LAMA3: variants seen among roughly 807,000 people sequenced by gnomAD.
The protein encoded by LAMA3 is laminin subunit alpha 3.
A neutral mutation model predicts 402.0 loss-of-function variants in LAMA3; 281 were observed. The ratio of observed to expected loss-of-function variants is 0.70; its 90% CI spans 0.63 to 0.77. The LOEUF (loss-of-function observed/expected upper bound fraction) is 0.77, where lower values mean the gene tolerates loss of function less well. LAMA3 is among the 30% of genes least tolerant of loss of function. The pLI, the probability that LAMA3 is intolerant of heterozygous loss-of-function variation, is 0.00. For missense variants in LAMA3, 3,840 were observed against 4,215.5 expected, an observed-to-expected ratio of 0.91 and a Z score of 2.47; for synonymous variants, 1,431 against 1,558.4, an observed-to-expected ratio of 0.92 and a Z score of 1.93.
intron 1 of LAMA3, among the ~76,000 whole-genome samples, chr18:23,695,082 T>C (rs2060659565): frequency 6.6e-6 from 1 of 152,226 alleles, no homozygotes; most frequent in Non-Finnish European, 1.5e-5. Context: ...CCCTGCTGTG[T>C]CTGATGCAGT....
chr18:23,764,783 C>T (rs1438834376), intron 8 of LAMA3, among the ~76,000 whole-genome samples: 1 of 152,072 alleles, frequency 6.6e-6, no homozygotes, highest in Non-Finnish European at 1.5e-5. Context: ...TTTAAGTGTA[C>T]ATTTTAGCAG....
In LAMA3 at chr18:23,763,492, A is replaced by C. The variant is rs879152030; in HGVS notation, c.1151A>C (p.Tyr384Ser). 9 of 1,612,092 alleles carry C rather than the reference A, an allele frequency of 5.6e-6. No homozygotes were observed. In the South Asian group the frequency reaches 9.9e-5, roughly 18 times the overall value. The change falls in exon 8 of 75, where the codon TAT (tyrosine) becomes TCT (serine). Residue 384 changes from tyrosine (Y) to serine (S), a missense_variant. Around this residue, in one of 3 missense-constraint regions of LAMA3, gnomAD observed 2,109 missense variants for 2,376.0 expected, o/e 0.89. Transcript: ENST00000313654. The stretch of plus-strand genomic sequence containing the variant: ...GCAAGCTTGAATACCCAGGGCATCT[A>C]TGCTGGTGGAGGGGTCTGCATTAAC... ...QQASLNTQGIYAGGGVCINCQ... is the reference protein window; with the variant it reads ...QQASLNTQGISAGGGVCINCQ...
chr18:23,857,026 C>G (rs1268615896), intron 32 of LAMA3, among the ~76,000 whole-genome samples: 1 of 152,204 alleles, frequency 6.6e-6, no homozygotes, highest in African/African-American at 2.4e-5. Context: ...TTGTTTGTAA[C>G]TTGCCAAGTG....
chr18:23,781,693 A>G (rs2062441191), intron 11 of LAMA3, among the ~76,000 whole-genome samples: 2 of 152,192 alleles, frequency 1.3e-5, no homozygotes, highest in South Asian at 4.1e-4. Flanking sequence ...TGCAGATCCA[A>G]TCCAGTCGAC....
rs2082417273 is a variant in LAMA3, at chr18:23,939,372, G to A, written c.9012G>A (p.Glu3004=). 1.9e-6 allele frequency: 3 copies of A among 1,614,200 alleles called. No homozygotes were observed. Among genetic ancestry groups the A allele is most frequent in the African/African-American group, 1.3e-5 (1 of 75,068 alleles). ...ACTTGCTATTCAAGCTTCCTCAGGA[G>A]CTGCTGAAACCCAGGTATTATTTAG... ...TSHLLFKLPQ[E]LLKPRSQFAV... The change falls in exon 68 of 75, where the codon GAG becomes GAA. Residue 3004 remains glutamate (E), a synonymous_variant. Transcript: ENST00000313654.
intron 2 of LAMA3, among the ~76,000 whole-genome samples, chr18:23,723,171 G>A (rs2061243319): frequency 6.6e-6 from 1 of 152,154 alleles, no homozygotes; most frequent in Non-Finnish European, 1.5e-5. Flanking sequence ...ACTCAGTACT[G>A]ATGTTACTTC....
intron 41 of LAMA3, among the ~76,000 whole-genome samples, chr18:23,886,642 T>A (rs1328509334): frequency 6.6e-6 from 1 of 152,164 alleles, no homozygotes; most frequent in Non-Finnish European, 1.5e-5. Flanking sequence ...AAAAGCCAAT[T>A]TGATAGAGAA....
At chr18:23,736,807 C>T (rs1217600198) in intron 2 of LAMA3, among the ~76,000 whole-genome samples, 2 of 152,080 alleles carry the variant, frequency 1.3e-5, no homozygotes, top group African/African-American at 4.8e-5. Flanking sequence ...GGGGGTGGAG[C>T]TGGGTCCAAG....
At chr18:23,953,328 T>G (rs1404222824) in intron 74 of LAMA3, among the ~76,000 whole-genome samples, 46 of 141,730 alleles carry the variant, frequency 3.2e-4, no homozygotes, top group East Asian at 1.2e-3. Flanking sequence ...TAATTTTGTT[T>G]TTTTTTTTTG....
At chr18:23,926,319 C>T (rs779591831) in intron 62 of LAMA3, among the ~76,000 whole-genome samples, 8 of 152,170 alleles carry the variant, frequency 5.3e-5, no homozygotes, top group Non-Finnish European at 1.2e-4. Context: ...CTTTCTTTGA[C>T]CAATAATCTA....
chr18:23,854,820 A>T (rs2064031911), intron 32 of LAMA3, among the ~76,000 whole-genome samples: 1 of 148,478 alleles, frequency 6.7e-6, no homozygotes, highest in Non-Finnish European at 1.5e-5. Context: ...CGACTCTCCT[A>T]AAAAAATACA....
At chr18:23,729,030 CAAAAAAAA>C (rs10601046) in intron 2 of LAMA3, among the ~76,000 whole-genome samples, 1 of 89,216 alleles carries the variant, frequency 1.1e-5, no homozygotes, top group Non-Finnish European at 2.2e-5. Flanking sequence ...GACTCCGTCT[CAAAAAAAA>C]AAAAAAAAAA....
chr18:23,689,897 G>A lies in LAMA3; in HGVS notation c.214G>A (p.Gly72Ser). Residue 72 changes from glycine to serine, a missense_variant, in exon 1 of 75, where the codon GGC becomes AGC. By Grantham distance (56) the Gly-to-Ser change is moderately conservative. Transcript: ENST00000313654. ...ATATCGERGP[G>S]EGRPQPELYC... ...CGCCACCTGCGGGGAGAGGGGACCC[G>A]GCGAGGGGAGGCCCCAGCCCGAGCT... 6.5e-7 allele frequency: 1 copy of A among 1,536,974 alleles called. No homozygotes were observed. The highest frequency in any genetic ancestry group is 8.8e-7 in the Non-Finnish European group (1 of 1,141,792).
intron 8 of LAMA3, among the ~76,000 whole-genome samples, chr18:23,767,881 T>A (rs12966369): frequency 0.78 from 119,114 of 152,024 alleles, 47,194 homozygotes; most frequent in African/African-American, 0.9. Context: ...CAAGGAAAGG[T>A]CTTTCTATTC....
intron 36 of LAMA3, among the ~76,000 whole-genome samples, chr18:23,866,099 T>C: frequency 6.6e-6 from 1 of 152,170 alleles, no homozygotes. Flanking sequence ...GGGACGTTTG[T>C]TTTTTGAGAA....
chr18:23,758,645 A>G (rs2061904266), intron 7 of LAMA3, 134 bp downstream of exon 7: 2 of 653,694 alleles, frequency 3.1e-6, no homozygotes, highest in Non-Finnish European at 2.7e-6. Context: ...GTCTATTGTA[A>G]TAAGAACCTC....
intron 19 of LAMA3, among the ~76,000 whole-genome samples, chr18:23,821,105 T>A (rs531315236): frequency 6.6e-6 from 1 of 152,254 alleles, no homozygotes; most frequent in African/African-American, 2.4e-5. Flanking sequence ...TCAAAGGGTA[T>A]ACCTTCTCAC....
chr18:23,901,472 A>C (rs1288103710), intron 48 of LAMA3, 149 bp downstream of exon 48: 2 of 705,508 alleles, frequency 2.8e-6, no homozygotes, highest in Non-Finnish European at 5.0e-6. Context: ...ACAAAGCGTT[A>C]AGTGCAAAAC....
At chr18:23,855,001 A>T (rs377542189) in intron 32 of LAMA3, among the ~76,000 whole-genome samples, 1 of 48,208 alleles carries the variant, frequency 2.1e-5, no homozygotes, top group Non-Finnish European at 9.9e-5. Flanking sequence ...AATAAATAAA[A>T]AATAAAAAAA....
Sources: allele counts gnomAD v4.1 joint callset (sites outside exome capture counted in the v4.1 genomes callset), GRCh38; gene constraint gnomAD v4.1.1; regional missense constraint gnomAD v4.1.1; transcripts MANE v1.5; gene names NCBI Gene and HGNC (gene_info 2026-07-23, HGNC 2026-07-21).